Variants in LRBA observed in about 807,000 individuals in gnomAD.
LRBA encodes LPS responsive beige-like anchor protein, also known as lipopolysaccharide-responsive and beige-like anchor protein.
In LRBA, 176 loss-of-function variants were observed where a neutral mutation model predicts 330.0. That is an observed-to-expected ratio of 0.53 (90% CI 0.47 to 0.60). LRBA has a LOEUF of 0.60. LRBA is among the 20% of genes least tolerant of loss of function. The pLI is 0.00. For missense variants in LRBA, 3,259 were observed against 3,444.8 expected (o/e 0.95, Z 1.35); for synonymous variants, 1,230 against 1,193.0 (o/e 1.03, Z -0.64).
intron 47 of LRBA, among the ~76,000 whole-genome samples, chr4:150,351,322 A>G (rs1337456522): frequency 1.3e-5 from 2 of 152,202 alleles, no homozygotes; most frequent in East Asian, 3.8e-4. Context: ...GTTTAGCATT[A>G]TGGATTAGTT....
rs148883606 is a variant in LRBA at position 150,592,934 on chromosome 4, TA to T, written c.6047-2076del. Among the ~76,000 whole-genome samples, 243 of 152,220 alleles carry T rather than the reference TA, an allele frequency of 1.6e-3. 1 individual carries two copies. Among genetic ancestry groups the T allele is most frequent in the Admixed American group, 3.7e-3 (56 of 15,290 alleles). On this transcript the variant is annotated intron_variant, in intron 38 of 56. Coordinates refer to ENST00000651943, the MANE Select transcript of LRBA (RefSeq NM_001364905.1). ...CAGGCGTAAGTCATCTCACCTGGCCTATTTTTTTTTTAAAGGCTAAAAAGAA... is the reference window on the plus strand; with the variant it reads ...CAGGCGTAAGTCATCTCACCTGGCCTTTTTTTTTTTAAAGGCTAAAAAGAA...
chr4:150,722,165 GA>G (rs1295219949), intron 36 of LRBA, among the ~76,000 whole-genome samples: 4 of 149,446 alleles, frequency 2.7e-5, no homozygotes, highest in African/African-American at 7.4e-5. Context: ...ATCCAATTTG[GA>G]AAAAAAAATA....
chr4:150,325,664 C>A, intron 49 of LRBA, 145 bp downstream of exon 49: 1 of 620,858 alleles, frequency 1.6e-6, no homozygotes, highest in Non-Finnish European at 2.9e-6. Context: ...ATAACATCTG[C>A]TGGTTGTTAG....
intron 34 of LRBA, among the ~76,000 whole-genome samples, chr4:150,763,063 C>G (rs1025390795): frequency 4.0e-5 from 6 of 151,822 alleles, no homozygotes; most frequent in Non-Finnish European, 8.8e-5. Flanking sequence ...ATGATTTTGT[C>G]AAAGGATTAT....
chr4:150,521,721 TTTAAATTCTA>T, intron 40 of LRBA, among the ~76,000 whole-genome samples: 1 of 152,354 alleles, frequency 6.6e-6, no homozygotes, highest in South Asian at 2.1e-4. Flanking sequence ...ATCTCTGTTA[TTTAAATTCTA>T]TTAAATTAGT....
At chr4:150,593,754 C>T (rs902015950) in intron 38 of LRBA, among the ~76,000 whole-genome samples, 1 of 151,890 alleles carries the variant, frequency 6.6e-6, no homozygotes, top group Non-Finnish European at 1.5e-5. Flanking sequence ...CTGATTATTG[C>T]CATACATGTC....
intron 56 of LRBA, among the ~76,000 whole-genome samples, chr4:150,269,008 C>CA (rs1391068918): frequency 5.9e-5 from 2 of 33,724 alleles, no homozygotes; most frequent in Non-Finnish European, 2.3e-4. Context: ...CAAAACAAAA[C>CA]AAAAGAGCTA....
At chr4:150,386,298 CAT>C (rs917577920) in intron 47 of LRBA, among the ~76,000 whole-genome samples, 2 of 152,022 alleles carry the variant, frequency 1.3e-5, no homozygotes, top group Non-Finnish European at 2.9e-5. Flanking sequence ...TTTCATACCT[CAT>C]AGTTTAACAA....
intron 47 of LRBA, among the ~76,000 whole-genome samples, chr4:150,395,572 A>G (rs113786103): frequency 6.6e-6 from 1 of 152,116 alleles, no homozygotes. Context: ...TAATGAATAA[A>G]TTAAATATAA....
intron 36 of LRBA, among the ~76,000 whole-genome samples, chr4:150,730,321 A>G (rs1730265458): frequency 6.6e-6 from 1 of 152,216 alleles, no homozygotes; most frequent in Non-Finnish European, 1.5e-5. Context: ...AATCCAATTT[A>G]AAAATGGGCA....
rs1357782730 is a variant in LRBA at position 150,321,270 on chromosome 4, C to T, written c.7551G>A (p.Gln2517=). 8 of 1,612,356 alleles carry T rather than the reference C, an allele frequency of 5.0e-6. No homozygotes were observed. Among genetic ancestry groups the T allele is most frequent in the Non-Finnish European group, 6.8e-6 (8 of 1,179,508 alleles). Residue 2517 remains glutamine (Q), a synonymous_variant, in exon 50 of 57, where the codon CAG becomes CAA. Transcript: ENST00000651943. This position sits in a 1 kb window ranked among gnomAD's most constrained non-coding sequence, Gnocchi z 4.5. The part of the protein sequence containing the change: ...SPVTHVAANT[Q]PGLATPAVIT... ...TCACAGCGGGAGTTGCCAAACCAGG[C>T]TGGGTGTTGGCTGCCACGTGAGTAA...
intron 47 of LRBA, among the ~76,000 whole-genome samples, chr4:150,362,523 C>G (rs1003249373): frequency 6.6e-6 from 1 of 152,094 alleles, no homozygotes; most frequent in African/African-American, 2.4e-5. Flanking sequence ...TTAACACACA[C>G]CAAAATTAGC....
At chr4:150,962,130 T>A (rs1364394382) in intron 2 of LRBA, among the ~76,000 whole-genome samples, 5 of 149,426 alleles carry the variant, frequency 3.3e-5, no homozygotes, top group Admixed American at 3.3e-4. Context: ...AATAAACAAT[T>A]CAATAAACAG....
chr4:150,267,427 C>T (rs930308237), intron 56 of LRBA, among the ~76,000 whole-genome samples: 1 of 135,660 alleles, frequency 7.4e-6, no homozygotes, highest in Non-Finnish European at 1.7e-5. Context: ...AATGATGAGT[C>T]AAAAAAAACA....
rs57119340 is a variant in LRBA, at chr4:150,346,757, CAAAAAAAAAAAA to C, written c.7362+3223_7362+3234del. Among the ~76,000 whole-genome samples the C allele has an allele frequency of 9.1e-5, 6 of 66,150 alleles. No individual in the cohort carries two copies. The South Asian group carries it at 3.2e-3, about 36-fold the overall frequency. 43.4% of individuals were successfully genotyped at this position (66,150 alleles called of 152,430 possible). ...CTGGCAACAATGTGAGACTCTGTCT[CAAAAAAAAAAAA>C]AAAAAAAAAAAAAAAAAACACTTAT... is the stretch of plus-strand genomic sequence containing the variant. On this transcript the variant is annotated intron_variant, in intron 48 of 56. Transcript: ENST00000651943.
Position 150,808,334 on chromosome 4 carries a change from C to T in LRBA, c.5370G>A (p.Pro1790=), listed in dbSNP as rs762034243. 5.0e-5 allele frequency: 80 copies of T among 1,611,216 alleles called. 1 individual carries two copies. The South Asian group carries it at 6.8e-4, about 14-fold the overall frequency. Residue 1790 remains proline (P), a synonymous_variant, in exon 32 of 57, where the codon CCG becomes CCA. Coordinates refer to ENST00000651943, the MANE Select transcript of LRBA (RefSeq NM_001364905.1). ...VPTVDSVSQD[P]VSNMSITERL... ...AGCTTAAATACCTCATATTTGAAAC[C>T]GGATCTTGTGAAACTGAATCAACTG...
chr4:150,997,148 T>C (rs1742745045), intron 2 of LRBA, among the ~76,000 whole-genome samples: 1 of 152,218 alleles, frequency 6.6e-6, no homozygotes, highest in African/African-American at 2.4e-5. Flanking sequence ...TCTCACACAG[T>C]GCATTCAGCA....
chr4:150,283,678 T>G (rs187555424), intron 54 of LRBA, among the ~76,000 whole-genome samples: 118 of 152,360 alleles, frequency 7.7e-4, no homozygotes, highest in African/African-American at 2.5e-3. Flanking sequence ...AGTTCCAGCA[T>G]GCATGAATTT....
At position 150,590,769 on chromosome 4, in the gene LRBA, T is replaced by C; in HGVS notation, c.6137A>G (p.Glu2046Gly). Residue 2046 changes from glutamate to glycine, a missense_variant, in exon 39 of 57, where the codon GAA becomes GGA. Transcript: ENST00000651943. ...GGATGACAGAGTATCATCATCGCCT[T>C]CCAGGAGGATCTCGTTTTCTGAGTT... ...NQNSENEILL[E>G]GDDDTLSSVD... 1 of 1,614,068 alleles carries C rather than the reference T, an allele frequency of 6.2e-7. No homozygotes were observed. The highest frequency in any genetic ancestry group is 8.5e-7 in the Non-Finnish European group (1 of 1,179,938).
Sources: gnomAD v4.1 joint callset for allele counts (sites outside exome capture counted in the v4.1 genomes callset) on GRCh38, gnomAD v4.1.1 for gene constraint, Gnocchi (gnomAD v3.1) non-coding constraint, MANE v1.5 for transcripts, NCBI Gene and HGNC (gene_info 2026-07-23, HGNC 2026-07-21) for gene names.